Variants in FNIP2 observed in about 807,000 individuals in gnomAD.
FNIP2 encodes the protein folliculin-interacting protein 2.
A neutral mutation model predicts 108.7 loss-of-function variants in FNIP2; 32 were observed. That is an observed-to-expected ratio of 0.29 (90% CI 0.22 to 0.40). The LOEUF (loss-of-function observed/expected upper bound fraction) is 0.40, where lower values mean the gene tolerates loss of function less well. Among genes scored for constraint, FNIP2 ranks in the 10% least tolerant of loss-of-function variants. FNIP2 has a pLI of 1.00. For synonymous variants in FNIP2, 480 were observed against 496.7 expected (o/e 0.97, Z 0.45); for missense variants, 1,202 against 1,381.6 (o/e 0.87, Z 2.06).
chr4:158,874,219 T>G (rs1253748390), intron 14 of FNIP2, among the ~76,000 whole-genome samples: 3 of 152,234 alleles, frequency 2.0e-5, no homozygotes, highest in Non-Finnish European at 4.4e-5. Flanking sequence ...CAGACAAACC[T>G]AAGTTTGAAT....
intron 7 of FNIP2, among the ~76,000 whole-genome samples, chr4:158,849,964 T>G (rs374562214): frequency 1.0e-3 from 152 of 152,330 alleles, no homozygotes; most frequent in African/African-American, 3.4e-3. Context: ...CAGAGACCTC[T>G]GCTTTGGAAA....
At chr4:158,810,687 G>A (rs1207322622) in intron 1 of FNIP2, among the ~76,000 whole-genome samples, 1 of 152,068 alleles carries the variant, frequency 6.6e-6, no homozygotes, top group Non-Finnish European at 1.5e-5. Context: ...CTTTTGTCTC[G>A]GTCATATTTG....
Position 158,869,112 on chromosome 4 carries a change from G to A in FNIP2, c.2476G>A (p.Ala826Thr), listed in dbSNP as rs1780769365. Reference protein sequence around the residue: ...AADLGTASHGAGGTGGRRLEA... With the variant: ...AADLGTASHGTGGTGGRRLEA... ...TGACTTGGGCACAGCCTCCCACGGTGCAGGAGGAACGGGAGGGAGGAGGCT... is the reference window on the plus strand; with the variant it reads ...TGACTTGGGCACAGCCTCCCACGGTACAGGAGGAACGGGAGGGAGGAGGCT... The change falls in exon 13 of 17, where the codon GCA becomes ACA. Residue 826 changes from alanine to threonine, a missense_variant. Around this residue, in one of 5 missense-constraint regions of FNIP2, gnomAD observed 878 missense variants for 990.3 expected, o/e 0.89. Transcript: ENST00000264433. The A allele has an allele frequency of 2.5e-6, 4 of 1,613,902 alleles. No individual in the cohort carries two copies. In the South Asian group the frequency reaches 4.4e-5, roughly 18 times the overall value.
chr4:158,852,636 C>G (rs1266296078), intron 8 of FNIP2, among the ~76,000 whole-genome samples: 1 of 152,060 alleles, frequency 6.6e-6, no homozygotes, highest in Non-Finnish European at 1.5e-5. Flanking sequence ...CGGTGTTTAG[C>G]CAAGACATAG....
chr4:158,803,717 A>T lies in FNIP2; in HGVS notation c.108-22199A>T, dbSNP rs1776838665. Among the ~76,000 whole-genome samples, 3 of 152,348 alleles carry T rather than the reference A, an allele frequency of 2.0e-5. No homozygotes were observed. The South Asian group carries it at 6.2e-4, about 32-fold the overall frequency. ...AGAGGAAATGGCATTTTCACTTTTA[A>T]AAAAATCTAAAAATCCTTTCTGTTA... On this transcript the variant is annotated intron_variant, in intron 1 of 16. Coordinates refer to ENST00000264433, the MANE Select transcript of FNIP2 (RefSeq NM_020840.3).
At chr4:158,836,565 G>T (rs1364421903) in intron 7 of FNIP2, 1 of 151,528 alleles carries the variant, frequency 6.6e-6, no homozygotes, top group Non-Finnish European at 1.5e-5. Flanking sequence ...ACTTTGGGAA[G>T]CCAAAGCGAG....
intron 1 of FNIP2, among the ~76,000 whole-genome samples, chr4:158,780,382 A>G (rs183482700): frequency 6.6e-6 from 1 of 152,162 alleles, no homozygotes; most frequent in South Asian, 2.1e-4. Flanking sequence ...TAGAATAGCT[A>G]TTTCTCAAGA....
At chr4:158,901,645 C>G (rs998523793) in intron 16 of FNIP2, among the ~76,000 whole-genome samples, 2 of 152,036 alleles carry the variant, frequency 1.3e-5, no homozygotes, top group African/African-American at 4.8e-5. Flanking sequence ...TAGATTTGGT[C>G]TTTTCACATA....
At chr4:158,835,635 T>C (rs1011261185) in intron 7 of FNIP2, 159 bp downstream of exon 7, 5 of 593,320 alleles carry the variant, frequency 8.4e-6, no homozygotes, top group South Asian at 5.9e-5. Flanking sequence ...AACTTTAATG[T>C]ACAGTATCCA....
In FNIP2 at chr4:158,899,463, G is replaced by T. The variant is rs184588476; in HGVS notation, c.3266+3598G>T. Among the ~76,000 whole-genome samples, 209 of 152,312 alleles carry T rather than the reference G, an allele frequency of 1.4e-3. 1 individual carries two copies. The highest frequency in any genetic ancestry group is 0.013 in the East Asian group (69 of 5,190). ...CTGTACACTCTGGTAGAATTTGGCT[G>T]TGAATCCATCTGGTCCTGGACATTT... On this transcript the variant is annotated intron_variant, in intron 16 of 16. Transcript: ENST00000264433.
At chr4:158,893,875 G>T (rs879674031) in intron 15 of FNIP2, among the ~76,000 whole-genome samples, 4 of 151,980 alleles carry the variant, frequency 2.6e-5, no homozygotes, top group Admixed American at 2.6e-4. Flanking sequence ...ACTTCCTTTG[G>T]ACAGAAGTGT....
chr4:158,853,858 T>G (rs1578917574), intron 8 of FNIP2, among the ~76,000 whole-genome samples: 1 of 152,204 alleles, frequency 6.6e-6, no homozygotes, highest in African/African-American at 2.4e-5. Context: ...TCCTGTAACT[T>G]GTGGAGATCT....
intron 14 of FNIP2, among the ~76,000 whole-genome samples, chr4:158,874,492 C>CAAAAGAAAAAA (rs779025917): frequency 3.3e-5 from 3 of 91,446 alleles, no homozygotes; most frequent in African/African-American, 1.3e-4. Context: ...CCATCTCTAG[C>CAAAAGAAAAAA]AAAAAAAAAA....
intron 1 of FNIP2, among the ~76,000 whole-genome samples, chr4:158,783,865 T>C (rs1328251886): frequency 6.6e-6 from 1 of 152,208 alleles, no homozygotes; most frequent in Non-Finnish European, 1.5e-5. Flanking sequence ...AAGGGTTTAT[T>C]ATGTCTACCA....
chr4:158,887,801 G>T (rs916506804), intron 14 of FNIP2, among the ~76,000 whole-genome samples: 5 of 150,244 alleles, frequency 3.3e-5, no homozygotes, highest in Non-Finnish European at 5.9e-5. Context: ...TAGTGTGCAG[G>T]TATGTATTTC....
chr4:158,889,955 G>A, intron 14 of FNIP2: 1 of 985,368 alleles, frequency 1.0e-6, no homozygotes, highest in Non-Finnish European at 1.2e-6. Flanking sequence ...CCGTTTTGGA[G>A]ACTGTATATA....
At chr4:158,785,997 C>T (rs1334261895) in intron 1 of FNIP2, among the ~76,000 whole-genome samples, 2 of 152,076 alleles carry the variant, frequency 1.3e-5, no homozygotes, top group Non-Finnish European at 2.9e-5. Context: ...GTTTGAAGAT[C>T]TTTTTTGCCT....
chr4:158,895,251 T>C (rs534282086), intron 15 of FNIP2, among the ~76,000 whole-genome samples: 4 of 152,128 alleles, frequency 2.6e-5, no homozygotes, highest in Non-Finnish European at 4.4e-5. Flanking sequence ...TTCCCGTCAG[T>C]CTCCTCTGGA....
intron 16 of FNIP2, among the ~76,000 whole-genome samples, chr4:158,903,961 T>C (rs1250799714): frequency 6.6e-6 from 1 of 152,194 alleles, no homozygotes; most frequent in Non-Finnish European, 1.5e-5. Context: ...CAGAATCTTG[T>C]GGCTTAAATG....
Sources: gnomAD v4.1 joint callset for allele counts (sites outside exome capture counted in the v4.1 genomes callset) on GRCh38, gnomAD v4.1.1 for gene constraint, gnomAD v4.1.1 regional missense constraint, MANE v1.5 for transcripts, NCBI Gene and HGNC (gene_info 2026-07-23, HGNC 2026-07-21) for gene names.